The following SEPTIN10 variants were observed in gnomAD, a reference collection of about 807,000 sequenced individuals.
SEPTIN10 encodes the protein septin 10.
SEPTIN10 carries 66 observed loss-of-function variants against 54.8 expected under a neutral mutation model. That is an observed-to-expected ratio of 1.21 (90% CI 0.99 to 1.48). SEPTIN10 has a LOEUF of 1.48. Ranked by LOEUF, SEPTIN10 falls within the 40% of genes most tolerant of loss-of-function variation. The pLI is 0.00. For synonymous variants in SEPTIN10, 161 were observed against 181.0 expected (o/e 0.89, Z 0.89); for missense variants, 620 against 545.6 (o/e 1.14, Z -1.36).
chr2:109,574,458 A>G, intron 5 of SEPTIN10, 123 bp downstream of exon 5: 1 of 638,816 alleles, frequency 1.6e-6, no homozygotes, highest in East Asian at 3.7e-5. Flanking sequence ...AAAAAAAAAA[A>G]AAAAAAAATT....
rs1434641113 is a variant in SEPTIN10 at position 109,546,178 on chromosome 2, T to C, written c.1221A>G (p.Glu407=). The C allele has an allele frequency of 6.2e-7, 1 of 1,608,804 alleles. No homozygotes were observed. The highest frequency in any genetic ancestry group is 1.3e-5 in the African/African-American group (1 of 74,316). The change falls in exon 10 of 11, where the codon GAA becomes GAG. Residue 407 remains glutamate (E), a synonymous_variant. Coordinates refer to ENST00000397712, the MANE Select transcript of SEPTIN10 (RefSeq NM_144710.5). ...RLHQEERMKL[E]EKRRLLEEEI... ...CTTCTTCCAAAAGTCTTCTCTTTTC[T>C]TCAAGCTTCATTCTCTCTTCTTGGT...
At chr2:109,603,213 A>G (rs1250104180) in intron 1 of SEPTIN10, among the ~76,000 whole-genome samples, 1 of 152,050 alleles carries the variant, frequency 6.6e-6, no homozygotes, top group Non-Finnish European at 1.5e-5. Flanking sequence ...AAATGTACAT[A>G]ATGTTATTAT....
Position 109,578,832 on chromosome 2 carries a change from A to G in SEPTIN10, c.414-4065T>C, listed in dbSNP as rs1301806488. Among the ~76,000 whole-genome samples, 2 of 152,226 alleles carry G rather than the reference A, an allele frequency of 1.3e-5. 1 individual carries two copies. The highest frequency in any genetic ancestry group is 1.3e-4 in the Admixed American group (2 of 15,276). ...ACTATGTATCAAACTTGTGGAATGT[A>G]GCCTAAGCCACGCTTACAGGGTAGT... is the stretch of plus-strand genomic sequence containing the variant. On this transcript the variant is annotated intron_variant, in intron 4 of 10. Transcript: ENST00000397712.
chr2:109,557,074 G>A lies in SEPTIN10; in HGVS notation c.1029-3855C>T, dbSNP rs957653467. 2.4e-4 allele frequency among the ~76,000 whole-genome samples: 36 copies of A among 152,096 alleles called. 1 individual carries two copies. The highest frequency in any genetic ancestry group is 8.7e-4 in the African/African-American group (36 of 41,474). ...ATTAGGAGATATACCTAATGTAAAT[G>A]ATGAGTTAATGGGTGCAGCACACCA... On this transcript the variant is annotated intron_variant, in intron 8 of 10. Transcript: ENST00000397712.
intron 4 of SEPTIN10, among the ~76,000 whole-genome samples, chr2:109,580,835 TG>T (rs1204824087): frequency 6.6e-6 from 1 of 152,240 alleles, no homozygotes; most frequent in Non-Finnish European, 1.5e-5. Flanking sequence ...GCTTCCTGAC[TG>T]GGGACAAGTG....
At chr2:109,613,544 G>A (rs1208055324) in intron 1 of SEPTIN10, 1 of 250,314 alleles carries the variant, frequency 4.0e-6, no homozygotes, top group East Asian at 8.8e-5. Context: ...AGTCGTTCAA[G>A]AACTCTCCCA....
At chr2:109,561,777 A>G (rs1685705516) in intron 8 of SEPTIN10, among the ~76,000 whole-genome samples, 1 of 152,184 alleles carries the variant, frequency 6.6e-6, no homozygotes. Context: ...TGACTGAGTT[A>G]TCCTTGATCC....
At chr2:109,602,206 A>C (rs1443774578) in intron 1 of SEPTIN10, among the ~76,000 whole-genome samples, 1 of 152,188 alleles carries the variant, frequency 6.6e-6, no homozygotes, top group Admixed American at 6.5e-5. Flanking sequence ...AGATTTTATG[A>C]CTATAACTTG....
chr2:109,606,267 T>C (rs1312061040), intron 1 of SEPTIN10, among the ~76,000 whole-genome samples: 1 of 151,982 alleles, frequency 6.6e-6, no homozygotes, highest in Non-Finnish European at 1.5e-5. Context: ...CTACAAAAAT[T>C]AGCTGGGTGT....
At position 109,553,168 on chromosome 2, in the gene SEPTIN10, C is replaced by G; in HGVS notation, c.1080G>C (p.Gln360His). The G allele has an allele frequency of 6.2e-7, 1 of 1,614,172 alleles. No homozygotes were observed. Among genetic ancestry groups the G allele is most frequent in the Non-Finnish European group, 8.5e-7 (1 of 1,180,028 alleles). ...AKRHEFHGER[Q>H]RKEEEMKQMF... ...TCTGTTTCATTTCTTCTTCCTTCCT[C>G]TGACGTTCACCATGGAACTCATGTC... The change falls in exon 9 of 11, where the codon CAG becomes CAC. Residue 360 changes from glutamine (Q) to histidine (H), a missense_variant. Physicochemically the swap from Gln to His is conservative, Grantham distance 24 (BLOSUM62 0). Coordinates refer to ENST00000397712, the MANE Select transcript of SEPTIN10 (RefSeq NM_144710.5).
At chr2:109,591,999 AT>A (rs972236505) in intron 2 of SEPTIN10, among the ~76,000 whole-genome samples, 1 of 152,112 alleles carries the variant, frequency 6.6e-6, no homozygotes, top group Non-Finnish European at 1.5e-5. Context: ...TTTACTTCCT[AT>A]TTTTAAATAC....
At chr2:109,545,630 A>C (rs1680994335) in intron 10 of SEPTIN10, 1 of 1,519,372 alleles carries the variant, frequency 6.6e-7, no homozygotes, top group Admixed American at 2.0e-5. Context: ...ATAAAATACT[A>C]TCTTATGTCT....
intron 10 of SEPTIN10, 154 bp downstream of exon 10, chr2:109,545,896 G>A: frequency 6.9e-7 from 1 of 1,445,384 alleles, no homozygotes; most frequent in South Asian, 1.5e-5. Context: ...CAGTGAACAA[G>A]AGGGACAAGG....
intron 1 of SEPTIN10, among the ~76,000 whole-genome samples, chr2:109,601,917 G>A (rs1419091708): frequency 6.6e-6 from 1 of 152,092 alleles, no homozygotes; most frequent in Non-Finnish European, 1.5e-5. Context: ...GAGGATTAAG[G>A]GACAGCAAAG....
intron 5 of SEPTIN10, 138 bp downstream of exon 5, chr2:109,574,443 T>TAAAAA (rs55980206): frequency 3.1e-4 from 84 of 271,274 alleles, no homozygotes; most frequent in Middle Eastern, 1.1e-3. Flanking sequence ...ACTTTATCTC[T>TAAAAA]AAAAAAAAAA....
chr2:109,559,821 T>G (rs765769724), intron 8 of SEPTIN10, among the ~76,000 whole-genome samples: 2 of 151,014 alleles, frequency 1.3e-5, no homozygotes, highest in Non-Finnish European at 2.9e-5. Context: ...TTCATTCCAC[T>G]CCCAGAGCTG....
chr2:109,546,579 G>T (rs1681308761), intron 9 of SEPTIN10, among the ~76,000 whole-genome samples: 1 of 151,506 alleles, frequency 6.6e-6, no homozygotes, highest in South Asian at 2.1e-4. Flanking sequence ...ATAAAAATAA[G>T]AGATGCAAAG....
chr2:109,609,973 A>G (rs981542888), intron 1 of SEPTIN10, among the ~76,000 whole-genome samples: 11 of 152,184 alleles, frequency 7.2e-5, no homozygotes, highest in African/African-American at 2.7e-4. Context: ...CCTGAATCAT[A>G]AAATGATGCA....
chr2:109,559,254 A>G (rs893783431), intron 8 of SEPTIN10, among the ~76,000 whole-genome samples: 1 of 152,242 alleles, frequency 6.6e-6, no homozygotes, highest in Non-Finnish European at 1.5e-5. Flanking sequence ...GAGCTACAAA[A>G]GCCTTATCAA....
Sources: allele counts gnomAD v4.1 joint callset (sites outside exome capture counted in the v4.1 genomes callset), GRCh38; gene constraint gnomAD v4.1.1; transcripts MANE v1.5; gene names NCBI Gene and HGNC (gene_info 2026-07-23, HGNC 2026-07-21).